The following TLK2 variants were observed in gnomAD, a reference collection of about 807,000 sequenced individuals.
TLK2 encodes the protein tousled like kinase 2, also known as serine/threonine-protein kinase tousled-like 2.
In TLK2, 6 loss-of-function variants were observed where a neutral mutation model predicts 117.3. The observed-to-expected ratio is 0.05, with a 90% CI of 0.03 to 0.10. TLK2 has a LOEUF of 0.10. TLK2 is among the 10% of genes least tolerant of loss of function. The pLI is 1.00. For missense variants in TLK2, 299 were observed against 901.2 expected (o/e 0.33, Z 8.56); for synonymous variants, 257 against 316.7 (o/e 0.81, Z 2.00).
chr17:62,475,465 C>A (rs879642090), upstream of TLK2, among the ~76,000 whole-genome samples: 1 of 152,128 alleles, frequency 6.6e-6, no homozygotes, highest in African/African-American at 2.4e-5. Context: ...GCCTCAGTCT[C>A]CCGACTAGCT....
At chr17:62,578,605 G>T in intron 14 of TLK2, 31 bp downstream of exon 14, 1 of 1,519,742 alleles carries the variant, frequency 6.6e-7, no homozygotes, top group Non-Finnish European at 9.1e-7. Flanking sequence ...TTGGGTTGGA[G>T]ATTGCTAAGC....
At chr17:62,564,434 G>C (rs1567929375) in intron 10 of TLK2, among the ~76,000 whole-genome samples, 2 of 151,256 alleles carry the variant, frequency 1.3e-5, no homozygotes, top group Non-Finnish European at 2.9e-5. Flanking sequence ...TACTTGGGAG[G>C]CTGAGGCAGG....
In TLK2 at chr17:62,575,651, CTTTTA is replaced by C. The variant is rs149942369; in HGVS notation, c.1122-1053_1122-1049del. On this transcript the variant is annotated intron_variant, in intron 12 of 21. Transcript: ENST00000346027. Reference sequence around the variant, plus strand: ...AATTCTCACTTGTTCATCTTTTTTTCTTTTATTTTCTTTCTTTCTGTCTTTCTCTC... The same window carrying C: ...AATTCTCACTTGTTCATCTTTTTTTCTTTTCTTTCTTTCTGTCTTTCTCTC... Among the ~76,000 whole-genome samples, 69 of 151,904 alleles carry C rather than the reference CTTTTA, an allele frequency of 4.5e-4. 2 individuals carry two copies. The East Asian group carries it at 0.012, about 27-fold the overall frequency.
At chr17:62,532,647 T>C (rs540076402) in intron 6 of TLK2, among the ~76,000 whole-genome samples, 9 of 152,332 alleles carry the variant, frequency 5.9e-5, no homozygotes, top group South Asian at 2.1e-4. Flanking sequence ...AGAACTGTTA[T>C]TAGAGAGTAT....
intron 7 of TLK2, chr17:62,550,895 T>G (rs1323102914): frequency 1.3e-5 from 2 of 152,508 alleles, no homozygotes; most frequent in East Asian, 3.8e-4. Flanking sequence ...CTCATCTCAC[T>G]GCAACCTCCG....
At chr17:62,497,196 C>T (rs866939734) in intron 2 of TLK2, among the ~76,000 whole-genome samples, 3 of 151,712 alleles carry the variant, frequency 2.0e-5, no homozygotes, top group African/African-American at 7.3e-5. Flanking sequence ...TCTTGGAGGT[C>T]GAGGTCAAAG....
chr17:62,613,219 C>T lies in TLK2; in HGVS notation c.*654C>T, dbSNP rs536445285. The T allele has an allele frequency of 2.6e-5, 4 of 152,718 alleles. No homozygotes were observed. In the South Asian group the frequency reaches 6.2e-4, roughly 24 times the overall value. The allele number at this position is 152,718 out of a possible 1,614,324, so 9.5% of individuals were successfully genotyped here. ...AAAGTGAAACCCGTATTAGCAAGTA[C>T]GTGGCAATGTTCATTCCAATCAGAT... On this transcript the variant is annotated 3_prime_UTR_variant, in exon 22 of 22. Coordinates refer to ENST00000346027, the MANE Select transcript of TLK2 (RefSeq NM_006852.6).
intron 21 of TLK2, among the ~76,000 whole-genome samples, chr17:62,608,380 T>C (rs982591476): frequency 6.6e-6 from 1 of 152,160 alleles, no homozygotes; most frequent in Non-Finnish European, 1.5e-5. Flanking sequence ...GGTGTTTTAA[T>C]CTGGAAAGGC....
rs1040397185 is a variant in TLK2, at chr17:62,586,544, G to A, written c.1460+318G>A. On this transcript the variant is annotated intron_variant, in intron 16 of 21. Transcript: ENST00000346027. The stretch of plus-strand genomic sequence containing the variant: ...GCCTTAGAAATCATTTTTGCTGGCC[G>A]GGCACGGTGGCTCACACCTGTAATC... Among the ~76,000 whole-genome samples, 3 of 152,034 alleles carry A rather than the reference G, an allele frequency of 2.0e-5. 1 individual carries two copies. The highest frequency in any genetic ancestry group is 4.8e-5 in the African/African-American group (2 of 41,370).
chr17:62,582,603 T>C (rs534854184), intron 15 of TLK2, among the ~76,000 whole-genome samples: 8 of 152,370 alleles, frequency 5.3e-5, no homozygotes, highest in African/African-American at 1.9e-4. Flanking sequence ...ATGTTCATTC[T>C]TAAGTCAATG....
intron 7 of TLK2, among the ~76,000 whole-genome samples, chr17:62,539,473 C>CTTTTTTTTT (rs1047610954): frequency 7.7e-6 from 1 of 129,084 alleles, no homozygotes; most frequent in African/African-American, 2.9e-5. Context: ...ACCTCCCTCT[C>CTTTTTTTTT]TTTTTTTTTT....
chr17:62,581,396 T>A (rs1399465651), intron 15 of TLK2, among the ~76,000 whole-genome samples: 1 of 152,080 alleles, frequency 6.6e-6, no homozygotes, highest in African/African-American at 2.4e-5. Flanking sequence ...AGAACTATAT[T>A]ATGATTAGTG....
At chr17:62,538,454 A>G (rs1377123189) in intron 7 of TLK2, among the ~76,000 whole-genome samples, 1 of 152,156 alleles carries the variant, frequency 6.6e-6, no homozygotes, top group East Asian at 1.9e-4. Flanking sequence ...CTTGAGAGGA[A>G]TTCTGTTTGT....
chr17:62,507,481 T>TAG (rs2074795779), intron 2 of TLK2: 1 of 152,188 alleles, frequency 6.6e-6, no homozygotes, highest in African/African-American at 2.4e-5. Flanking sequence ...ATAAAAAGCA[T>TAG]AGAGACCTTT....
At chr17:62,557,078 C>G (rs1320332732) in intron 9 of TLK2, among the ~76,000 whole-genome samples, 1 of 152,174 alleles carries the variant, frequency 6.6e-6, no homozygotes, top group Non-Finnish European at 1.5e-5. Flanking sequence ...GCATGTGCCA[C>G]TGTGCTTGGC....
intron 15 of TLK2, among the ~76,000 whole-genome samples, chr17:62,580,881 T>C (rs1301617874): frequency 6.6e-6 from 1 of 152,240 alleles, no homozygotes; most frequent in African/African-American, 2.4e-5. Context: ...CTTTCACTGT[T>C]AGGATTTATG....
At chr17:62,535,435 A>G (rs371681293) in intron 6 of TLK2, among the ~76,000 whole-genome samples, 2 of 152,154 alleles carry the variant, frequency 1.3e-5, no homozygotes, top group Admixed American at 6.5e-5. Context: ...ATAGTACAGC[A>G]AGAACAGAAT....
chr17:62,471,917 T>TTTTTTTTTTTTG (rs1555579389), intron 1 of TLK2, among the ~76,000 whole-genome samples: 1 of 140,866 alleles, frequency 7.1e-6, no homozygotes, highest in Non-Finnish European at 1.5e-5. Flanking sequence ...TTTTTTTTTT[T>TTTTTTTTTTTTG]AGACAGAGTC....
intron 4 of TLK2, among the ~76,000 whole-genome samples, chr17:62,522,564 T>TCAC (rs749470246): frequency 4.0e-4 from 61 of 152,216 alleles, no homozygotes; most frequent in Non-Finnish European, 7.3e-4. Context: ...AGAGGTTATG[T>TCAC]CAGAGTTTTA....
Sources: gnomAD v4.1 joint callset for allele counts (sites outside exome capture counted in the v4.1 genomes callset) on GRCh38, gnomAD v4.1.1 for gene constraint, MANE v1.5 for transcripts, NCBI Gene and HGNC (gene_info 2026-07-23, HGNC 2026-07-21) for gene names.